MRC1: variants seen among roughly 807,000 people sequenced by gnomAD.
MRC1 encodes macrophage mannose receptor 1.
MRC1 carries 62 observed loss-of-function variants against 102.9 expected under a neutral mutation model. The observed-to-expected ratio is 0.60, with a 90% CI of 0.49 to 0.74. The LOEUF (loss-of-function observed/expected upper bound fraction) is 0.74. Among genes scored for constraint, MRC1 ranks in the 30% least tolerant of loss-of-function variants. The pLI is 0.00. For synonymous variants in MRC1, 457 were observed against 298.4 expected (o/e 1.53, Z -5.48); for missense variants, 1,237 against 862.8 (o/e 1.43, Z -5.43).
At chr10:17,891,131 T>A (rs1455521510) in intron 22 of MRC1, among the ~76,000 whole-genome samples, 1 of 134,980 alleles carries the variant, frequency 7.4e-6, no homozygotes, top group Non-Finnish European at 1.6e-5. Flanking sequence ...GTATCACTAG[T>A]TTTATTTATT....
chr10:17,884,263 C>T (rs1243004218), intron 21 of MRC1, among the ~76,000 whole-genome samples: 1 of 152,168 alleles, frequency 6.6e-6, no homozygotes, highest in South Asian at 2.1e-4. Flanking sequence ...GCCACCATCC[C>T]CAGCCCCTGA....
At position 17,874,555 on chromosome 10, in the gene MRC1, C is replaced by A. The variant is rs925034359; in HGVS notation, c.2387-535C>A. ...GGTTCCAGGGGTTAGGAACTAGATA[C>A]CTTTGGGAGCTTTTATTCAGCCTAC... On this transcript the variant is annotated intron_variant, in intron 16 of 29. Coordinates refer to ENST00000569591, the MANE Select transcript of MRC1 (RefSeq NM_002438.4). Among the ~76,000 whole-genome samples, 3 of 152,278 alleles carry A rather than the reference C, an allele frequency of 2.0e-5. No individual in the cohort carries two copies. In the South Asian group the frequency reaches 6.2e-4, roughly 32 times the overall value.
intron 1 of MRC1, among the ~76,000 whole-genome samples, chr10:17,819,787 T>TA (rs1376327106): frequency 6.6e-6 from 1 of 151,696 alleles, no homozygotes; most frequent in Non-Finnish European, 1.5e-5. Flanking sequence ...CCAGTAAAAA[T>TA]AAAAAATATT....
intron 1 of MRC1, among the ~76,000 whole-genome samples, chr10:17,812,084 C>T (rs1385087635): frequency 2.6e-5 from 4 of 152,108 alleles, no homozygotes; most frequent in African/African-American, 9.7e-5. Context: ...TCAATCCACA[C>T]CCCTTCCTTC....
intron 1 of MRC1, among the ~76,000 whole-genome samples, chr10:17,818,801 GGAAA>G (rs2130582236): frequency 6.6e-6 from 1 of 152,246 alleles, no homozygotes; most frequent in Admixed American, 6.5e-5. Context: ...TCTGTCTCAA[GGAAA>G]GAAAGAAAAG....
intron 3 of MRC1, among the ~76,000 whole-genome samples, chr10:17,831,932 A>G (rs941792390): frequency 1.3e-4 from 20 of 151,740 alleles, no homozygotes; most frequent in Non-Finnish European, 2.2e-4. Flanking sequence ...CAAAGGAAGA[A>G]ATCAGCTTGT....
At chr10:17,879,457 G>A (rs1003460271) in intron 18 of MRC1, among the ~76,000 whole-genome samples, 1 of 152,126 alleles carries the variant, frequency 6.6e-6, no homozygotes, top group Non-Finnish European at 1.5e-5. Flanking sequence ...CAGTTCAAGC[G>A]ATCCTCCTGC....
At chr10:17,827,775 G>C in intron 3 of MRC1, 60 bp downstream of exon 3, 1 of 775,328 alleles carries the variant, frequency 1.3e-6, no homozygotes, top group Non-Finnish European at 2.4e-6. Context: ...TGTAGTGAAA[G>C]ACCTTGAATT....
rs1833192423 is a variant in MRC1, at chr10:17,862,058, T to C, written c.1634+556T>C. Among the ~76,000 whole-genome samples, 4 of 152,302 alleles carry C rather than the reference T, an allele frequency of 2.6e-5. No individual in the cohort carries two copies. In the South Asian group the frequency reaches 8.3e-4, roughly 32 times the overall value. On this transcript the variant is annotated intron_variant, in intron 10 of 29. Transcript: ENST00000569591. ...ATTCGTTTACTTTTCACCTACTCTA[T>C]GCAAAGCTCTGGATTAGCCACAGAA... is the stretch of plus-strand genomic sequence containing the variant.
intron 1 of MRC1, among the ~76,000 whole-genome samples, chr10:17,819,807 T>C (rs1448750446): frequency 6.6e-6 from 1 of 152,014 alleles, no homozygotes; most frequent in Non-Finnish European, 1.5e-5. Context: ...TAACTGGGTA[T>C]GGTGGCACAG....
intron 28 of MRC1, among the ~76,000 whole-genome samples, chr10:17,909,098 C>T (rs1285518018): frequency 6.6e-6 from 1 of 152,192 alleles, no homozygotes; most frequent in Middle Eastern, 3.4e-3. Flanking sequence ...GACAGAGAGA[C>T]AGATAGATGA....
At chr10:17,846,033 G>A (rs1204987704) in intron 6 of MRC1, among the ~76,000 whole-genome samples, 2 of 151,960 alleles carry the variant, frequency 1.3e-5, no homozygotes. Flanking sequence ...TCAGCCTCCC[G>A]AGTAGTTGGG....
At chr10:17,832,479 C>T (rs1007559201) in intron 3 of MRC1, among the ~76,000 whole-genome samples, 4 of 149,990 alleles carry the variant, frequency 2.7e-5, no homozygotes, top group Admixed American at 6.6e-5. Flanking sequence ...GGCGTGAACC[C>T]GGGAGGCGGA....
chr10:17,905,714 C>G (rs921834661), intron 26 of MRC1, among the ~76,000 whole-genome samples: 3 of 152,040 alleles, frequency 2.0e-5, no homozygotes, highest in Non-Finnish European at 4.4e-5. Context: ...GGCGATAATT[C>G]AGAACTCAGT....
intron 2 of MRC1, 135 bp from the exon 3 acceptor site, chr10:17,827,407 A>AAAAAAAAAAAC (rs1838496616): frequency 3.3e-6 from 1 of 305,324 alleles, no homozygotes; most frequent in Non-Finnish European, 6.4e-6. Context: ...AAAAAAAAAA[A>AAAAAAAAAAAC]AAAGAAATCC....
At chr10:17,883,793 C>T (rs2130695479) in intron 21 of MRC1, among the ~76,000 whole-genome samples, 1 of 152,284 alleles carries the variant, frequency 6.6e-6, no homozygotes, top group Admixed American at 6.5e-5. Context: ...GTGGTGTTGG[C>T]CCCAGATGGC....
chr10:17,881,584 C>T (rs1833517982), intron 21 of MRC1, among the ~76,000 whole-genome samples: 2 of 151,654 alleles, frequency 1.3e-5, no homozygotes, highest in African/African-American at 4.8e-5. Context: ...GCTGCTTTCC[C>T]ATTTATTGCT....
intron 18 of MRC1, among the ~76,000 whole-genome samples, chr10:17,878,837 T>C (rs1833473139): frequency 6.6e-6 from 1 of 152,138 alleles, no homozygotes; most frequent in Non-Finnish European, 1.5e-5. Context: ...AGGGTCATTA[T>C]TTTTAAAGAG....
At chr10:17,871,856 C>G (rs1833359372) in intron 14 of MRC1, 126 bp from the exon 15 acceptor site, 2 of 693,706 alleles carry the variant, frequency 2.9e-6, no homozygotes, top group Admixed American at 4.4e-5. Context: ...CAAAGCAAAG[C>G]TATTGTGAAA....
Sources: gnomAD v4.1 joint callset for allele counts (sites outside exome capture counted in the v4.1 genomes callset) on GRCh38, gnomAD v4.1.1 for gene constraint, MANE v1.5 for transcripts, NCBI Gene and HGNC (gene_info 2026-07-23, HGNC 2026-07-21) for gene names.